The following SCGB2B2 variants were observed in gnomAD, a reference collection of about 807,000 sequenced individuals.
The protein encoded by SCGB2B2 is secretoglobin family 2B member 2.
A neutral mutation model predicts 7.6 loss-of-function variants in SCGB2B2; 11 were observed. The ratio of observed to expected loss-of-function variants is 1.45; its 90% CI spans 0.91 to 2.40. SCGB2B2 has a LOEUF of 2.40. Among genes scored for constraint, SCGB2B2 ranks in the 30% most tolerant of loss-of-function variants. The pLI, the probability that SCGB2B2 is intolerant of heterozygous loss-of-function variation, is 0.00. For missense variants in SCGB2B2, 104 were observed against 115.4 expected (o/e 0.90, Z 0.45); for synonymous variants, 50 against 48.6 (o/e 1.03, Z -0.12).
In SCGB2B2 at chr19:34,594,703, G is replaced by C. The variant is rs2065398399; in HGVS notation, c.-140C>G. 1 of 693,288 alleles carries C rather than the reference G, an allele frequency of 1.4e-6. No homozygotes were observed. The highest frequency in any genetic ancestry group is 1.9e-5 in the African/African-American group (1 of 53,060). 42.9% of individuals were successfully genotyped at this position (693,288 alleles called of 1,614,324 possible). A position where few individuals can be genotyped will look rare whatever the true frequency, so the allele number is the denominator to read the frequency against. On this transcript the variant is annotated 5_prime_UTR_variant, in exon 2 of 4. Transcript: ENST00000601241. ...TGTGTGTGTGTGTGTGTGTGTGTGT[G>C]AATGTGGTCAGGGCAGGTCTGCAGA...
Position 34,653,980 on chromosome 19 carries a change from G to GA in SCGB2B2, c.-2032+21649dup, listed in dbSNP as rs386388914. 3.6e-3 allele frequency among the ~76,000 whole-genome samples: 531 copies of GA among 147,658 alleles called. 6 individuals carry two copies. Among genetic ancestry groups the GA allele is most frequent in the Middle Eastern group, 0.011 (3 of 282 alleles). On this transcript the variant is annotated intron_variant, in intron 1 of 3. Coordinates refer to ENST00000601241, the MANE Select transcript of SCGB2B2 (RefSeq NM_001025591.4). Reference sequence around the variant, plus strand: ...AGTCCCACCCAGAGCAACGAGGCAAGAAAAAAAAAGCCATCTAAATCAGAA... The same window carrying GA: ...AGTCCCACCCAGAGCAACGAGGCAAGAAAAAAAAAAGCCATCTAAATCAGAA...
At chr19:34,673,615 A>G (rs1026759754) in intron 1 of SCGB2B2, among the ~76,000 whole-genome samples, 2 of 152,196 alleles carry the variant, frequency 1.3e-5, no homozygotes, top group Non-Finnish European at 2.9e-5. Flanking sequence ...AGCTGGGTCT[A>G]TGTGTGGGTG....
At chr19:34,607,463 C>A (rs2065813427) in intron 1 of SCGB2B2, among the ~76,000 whole-genome samples, 1 of 152,164 alleles carries the variant, frequency 6.6e-6, no homozygotes, top group Non-Finnish European at 1.5e-5. Context: ...TAGATATATA[C>A]CCAGAAGTGG....
chr19:34,633,510 A>G (rs2066591933), intron 1 of SCGB2B2, among the ~76,000 whole-genome samples: 1 of 152,230 alleles, frequency 6.6e-6, no homozygotes, highest in Admixed American at 6.5e-5. Context: ...GTGAGAAAAA[A>G]GCAAAAAACA....
chr19:34,601,682 T>G (rs1014375675), intron 1 of SCGB2B2, among the ~76,000 whole-genome samples: 1 of 152,222 alleles, frequency 6.6e-6, no homozygotes, highest in Admixed American at 6.5e-5. Flanking sequence ...TGTTTTGTAT[T>G]CAGCATTTAA....
Position 34,594,490 on chromosome 19 carries a change from G to A in SCGB2B2, c.61+13C>T, listed in dbSNP as rs746621349. On this transcript the variant is annotated intron_variant, in intron 2 of 3. Coordinates refer to ENST00000601241, the MANE Select transcript of SCGB2B2 (RefSeq NM_001025591.4). ...CCACCGCTTCCTCCCAGCCCTGCTC[G>A]CCTCTTTCTTACCCAGCTGGACGCT... 47 of 1,613,282 alleles carry A rather than the reference G, an allele frequency of 2.9e-5. No individual in the cohort carries two copies. Among genetic ancestry groups the A allele is most frequent in the East Asian group, 4.5e-5 (2 of 44,884 alleles).
At chr19:34,617,228 A>G (rs1051809843) in intron 1 of SCGB2B2, among the ~76,000 whole-genome samples, 2 of 152,010 alleles carry the variant, frequency 1.3e-5, no homozygotes, top group African/African-American at 4.8e-5. Flanking sequence ...GAAGAAAGTC[A>G]TTGGTAGCTT....
chr19:34,612,744 G>C (rs912659306), intron 1 of SCGB2B2, among the ~76,000 whole-genome samples: 22 of 151,954 alleles, frequency 1.4e-4, no homozygotes, highest in Admixed American at 1.3e-3. Context: ...TCACTGCTGA[G>C]AGTGGGGTGT....
intron 1 of SCGB2B2, among the ~76,000 whole-genome samples, chr19:34,655,493 A>G (rs1188361370): frequency 2.6e-5 from 4 of 151,064 alleles, no homozygotes; most frequent in African/African-American, 9.9e-5. Flanking sequence ...CCCCACTTCA[A>G]GTTGTCCTCT....
intron 1 of SCGB2B2, among the ~76,000 whole-genome samples, chr19:34,603,731 C>T (rs573259663): frequency 2.6e-5 from 4 of 151,562 alleles, no homozygotes; most frequent in Non-Finnish European, 5.9e-5. Flanking sequence ...GGAATTTAAA[C>T]ACTTCACCTA....
At chr19:34,672,427 GAGAT>G (rs1417706523) in intron 1 of SCGB2B2, among the ~76,000 whole-genome samples, 1 of 152,022 alleles carries the variant, frequency 6.6e-6, no homozygotes, top group Non-Finnish European at 1.5e-5. Context: ...TCATTGATTT[GAGAT>G]AGTTCTTTCT....
chr19:34,657,559 A>AAT (rs1170883847), intron 1 of SCGB2B2, among the ~76,000 whole-genome samples: 1 of 152,104 alleles, frequency 6.6e-6, no homozygotes, highest in South Asian at 2.1e-4. Context: ...AACTATCCTA[A>AAT]ATATATATGC....
At chr19:34,646,963 C>T (rs1253874342) in intron 1 of SCGB2B2, 1 of 152,400 alleles carries the variant, frequency 6.6e-6, no homozygotes, top group Non-Finnish European at 1.5e-5. Flanking sequence ...CACAATCCTC[C>T]ATCTCCTCCT....
chr19:34,629,531 A>C (rs546635056), intron 1 of SCGB2B2, among the ~76,000 whole-genome samples: 66 of 152,050 alleles, frequency 4.3e-4, no homozygotes, highest in African/African-American at 1.5e-3. Flanking sequence ...GCTTCAAAGA[A>C]AATAAAATAC....
intron 1 of SCGB2B2, among the ~76,000 whole-genome samples, chr19:34,625,268 G>A (rs1484112131): frequency 6.6e-6 from 1 of 152,184 alleles, no homozygotes; most frequent in East Asian, 1.9e-4. Flanking sequence ...GTTGGATAGT[G>A]GGTGCAGGAC....
downstream of SCGB2B2, among the ~76,000 whole-genome samples, chr19:34,588,577 G>A (rs570530685): frequency 4.6e-5 from 7 of 152,348 alleles, no homozygotes; most frequent in South Asian, 1.4e-3. Context: ...CAGGCCTGGT[G>A]AGTTTCCAGA....
intron 1 of SCGB2B2, among the ~76,000 whole-genome samples, chr19:34,606,690 T>G (rs2065789163): frequency 6.6e-6 from 1 of 152,056 alleles, no homozygotes; most frequent in Non-Finnish European, 1.5e-5. Flanking sequence ...AGACAGACAA[T>G]GACCAGATTT....
At chr19:34,656,265 A>T (rs2067280505) in intron 1 of SCGB2B2, among the ~76,000 whole-genome samples, 1 of 151,462 alleles carries the variant, frequency 6.6e-6, no homozygotes, top group Admixed American at 6.6e-5. Context: ...TATTTCATTA[A>T]ATGCAAGTGA....
At chr19:34,593,635 C>T (rs1167316189) in intron 3 of SCGB2B2, 36 bp from the exon 4 acceptor site, 1 of 1,540,370 alleles carries the variant, frequency 6.5e-7, no homozygotes, top group Non-Finnish European at 8.8e-7. Context: ...AGCCGGTGGC[C>T]TCTGTGAAAG....
Sources: gnomAD v4.1 joint callset for allele counts (sites outside exome capture counted in the v4.1 genomes callset) on GRCh38, gnomAD v4.1.1 for gene constraint, MANE v1.5 for transcripts, NCBI Gene and HGNC (gene_info 2026-07-23, HGNC 2026-07-21) for gene names.